Variants in KCNIP4 observed in about 807,000 individuals in gnomAD.
The protein encoded by KCNIP4 is potassium voltage-gated channel interacting protein 4.
Under a neutral mutation model 34.0 loss-of-function variants are expected in KCNIP4, and 12 were observed. That is an observed-to-expected ratio of 0.35 (90% CI 0.23 to 0.57). The LOEUF is 0.57. Among genes scored for constraint, KCNIP4 ranks in the 20% least tolerant of loss-of-function variants. The pLI, the probability that KCNIP4 is intolerant of heterozygous loss-of-function variation, is 0.83. For synonymous variants in KCNIP4, 124 were observed against 102.2 expected, an observed-to-expected ratio of 1.21 and a Z score of -1.29; for missense variants, 238 against 311.7, an observed-to-expected ratio of 0.76 and a Z score of 1.78.
intron 1 of KCNIP4, among the ~76,000 whole-genome samples, chr4:20,963,546 T>C (rs1003857213): frequency 6.6e-6 from 1 of 152,080 alleles, no homozygotes; most frequent in Non-Finnish European, 1.5e-5. Context: ...AAAGGTGCTA[T>C]GTGTACTATG....
chr4:21,039,095 C>T (rs1197411024), intron 1 of KCNIP4, among the ~76,000 whole-genome samples: 2 of 152,184 alleles, frequency 1.3e-5, no homozygotes, highest in African/African-American at 2.4e-5. Context: ...CGCGGTGGCT[C>T]ATGCCTGTAA....
At chr4:20,857,623 G>C (rs1721742961) in intron 2 of KCNIP4, among the ~76,000 whole-genome samples, 1 of 140,760 alleles carries the variant, frequency 7.1e-6, no homozygotes, top group Non-Finnish European at 1.6e-5. Context: ...ATAGGGACAA[G>C]ATTTACACCC....
At chr4:21,105,281 G>A (rs1055071480) in intron 1 of KCNIP4, among the ~76,000 whole-genome samples, 1 of 151,502 alleles carries the variant, frequency 6.6e-6, no homozygotes, top group African/African-American at 2.5e-5. Context: ...TTGAGCAGTG[G>A]TTTGCAGTTC....
At chr4:21,809,665 T>G (rs756310647) in intron 1 of KCNIP4, among the ~76,000 whole-genome samples, 1 of 152,220 alleles carries the variant, frequency 6.6e-6, no homozygotes, top group African/African-American at 2.4e-5. Context: ...TGCATATACC[T>G]AATAGATTTA....
chr4:21,242,087 C>T (rs1227201211), intron 1 of KCNIP4, among the ~76,000 whole-genome samples: 2 of 147,600 alleles, frequency 1.4e-5, no homozygotes, highest in Non-Finnish European at 3.0e-5. Context: ...TGGCGTGAAC[C>T]CAGGAGGCGG....
chr4:21,708,674 T>A (rs1713478814), intron 1 of KCNIP4, among the ~76,000 whole-genome samples: 2 of 151,964 alleles, frequency 1.3e-5, no homozygotes, highest in African/African-American at 4.8e-5. Flanking sequence ...TCAAAACAAA[T>A]CACAAGTGAG....
At chr4:20,887,606 C>T (rs1725452164) in intron 1 of KCNIP4, among the ~76,000 whole-genome samples, 1 of 152,004 alleles carries the variant, frequency 6.6e-6, no homozygotes, top group African/African-American at 2.4e-5. Flanking sequence ...TTAAAGTTCT[C>T]AGGGGAATAC....
intron 1 of KCNIP4, among the ~76,000 whole-genome samples, chr4:20,920,595 T>G (rs185343245): frequency 6.6e-6 from 1 of 152,158 alleles, no homozygotes; most frequent in Non-Finnish European, 1.5e-5. Flanking sequence ...TTTTGTCTAG[T>G]CATGTTTTTA....
Position 21,285,889 on chromosome 4 carries a change from T to C in KCNIP4, c.62-403180A>G, listed in dbSNP as rs143517836. 2.0e-5 allele frequency among the ~76,000 whole-genome samples: 3 copies of C among 152,278 alleles called. No individual in the cohort carries two copies. The East Asian group carries it at 5.8e-4, about 29-fold the overall frequency. The stretch of plus-strand genomic sequence containing the variant: ...TAAACAACACAAAAGCATGGCTTGA[T>C]GCCTGCCATCTAGCACTGCACAAGG... On this transcript the variant is annotated intron_variant, in intron 1 of 8. Transcript: ENST00000382152.
chr4:21,332,954 T>C (rs897636784), intron 1 of KCNIP4, among the ~76,000 whole-genome samples: 1 of 152,088 alleles, frequency 6.6e-6, no homozygotes, highest in African/African-American at 2.4e-5. Context: ...TTATTTTCTT[T>C]GAACTCCTGT....
chr4:20,959,957 G>A (rs1733688922), intron 1 of KCNIP4, among the ~76,000 whole-genome samples: 1 of 152,094 alleles, frequency 6.6e-6, no homozygotes, highest in South Asian at 2.1e-4. Flanking sequence ...CAAGCACCAG[G>A]CTCAGTTAAG....
chr4:21,405,416 G>A (rs1263078568), intron 1 of KCNIP4, among the ~76,000 whole-genome samples: 1 of 152,094 alleles, frequency 6.6e-6, no homozygotes, highest in East Asian at 1.9e-4. Flanking sequence ...ACCTCTGACA[G>A]TTTGTCCTTT....
chr4:21,891,919 T>C (rs2109403030), intron 1 of KCNIP4, among the ~76,000 whole-genome samples: 3 of 152,190 alleles, frequency 2.0e-5, no homozygotes, highest in Middle Eastern at 6.8e-3. Context: ...TTTGATTAAT[T>C]GAGAGTTGTG....
intron 1 of KCNIP4, among the ~76,000 whole-genome samples, chr4:21,625,595 A>G (rs904735572): frequency 1.3e-5 from 2 of 152,188 alleles, no homozygotes; most frequent in African/African-American, 4.8e-5. Flanking sequence ...CCCCATGTGC[A>G]GAATGCTCTA....
At chr4:21,492,929 TC>T (rs1380535952) in intron 1 of KCNIP4, among the ~76,000 whole-genome samples, 2 of 152,170 alleles carry the variant, frequency 1.3e-5, no homozygotes, top group African/African-American at 4.8e-5. Context: ...AGAAAACCAC[TC>T]TTTACTCTTC....
intron 1 of KCNIP4, among the ~76,000 whole-genome samples, chr4:21,025,951 G>A (rs1051546554): frequency 5.9e-5 from 9 of 152,178 alleles, no homozygotes; most frequent in South Asian, 2.1e-4. Context: ...TGATATAAAC[G>A]TAAACAAAAC....
chr4:21,128,434 T>A (rs1016165755), intron 1 of KCNIP4, among the ~76,000 whole-genome samples: 1 of 152,204 alleles, frequency 6.6e-6, no homozygotes, highest in South Asian at 2.1e-4. Context: ...AAAAAGAGCA[T>A]TTGTCACAGA....
intron 1 of KCNIP4, among the ~76,000 whole-genome samples, chr4:21,373,669 G>A (rs1212686756): frequency 6.8e-6 from 1 of 146,884 alleles, no homozygotes; most frequent in Non-Finnish European, 1.5e-5. Context: ...TCTTCATAAA[G>A]GTTGGGTTTC....
At chr4:21,462,673 G>GA (rs1445722653) in intron 1 of KCNIP4, among the ~76,000 whole-genome samples, 3 of 151,454 alleles carry the variant, frequency 2.0e-5, no homozygotes, top group African/African-American at 7.3e-5. Context: ...TTCTGTGTTA[G>GA]GTTTATTTCA....
Sources: gnomAD v4.1 joint callset for allele counts (sites outside exome capture counted in the v4.1 genomes callset) on GRCh38, gnomAD v4.1.1 for gene constraint, MANE v1.5 for transcripts, NCBI Gene and HGNC (gene_info 2026-07-23, HGNC 2026-07-21) for gene names.